LRRFIP2: variants seen among roughly 807,000 people sequenced by gnomAD.
The protein encoded by LRRFIP2 is leucine-rich repeat flightless-interacting protein 2.
Under a neutral mutation model 125.9 loss-of-function variants are expected in LRRFIP2, and 109 were observed. The ratio of observed to expected loss-of-function variants is 0.87; its 90% CI spans 0.74 to 1.01. The LOEUF is 1.01. Among genes scored for constraint, LRRFIP2 ranks in the 50% least tolerant of loss-of-function variants. The pLI is 0.00. For synonymous variants in LRRFIP2, 291 were observed against 293.1 expected (o/e 0.99, Z 0.07); for missense variants, 850 against 862.3 (o/e 0.99, Z 0.18).
intron 7 of LRRFIP2, among the ~76,000 whole-genome samples, chr3:37,113,529 TG>T (rs2094636072): frequency 6.6e-6 from 1 of 152,074 alleles, no homozygotes; most frequent in Admixed American, 6.6e-5. Context: ...CTTGAACTCT[TG>T]GCCTCAAGTG....
At chr3:37,146,483 A>C (rs2095858478) in intron 2 of LRRFIP2, among the ~76,000 whole-genome samples, 1 of 152,090 alleles carries the variant, frequency 6.6e-6, no homozygotes, top group Admixed American at 6.5e-5. Context: ...CCCTCTCCAC[A>C]GGCCCCAGTG....
intron 9 of LRRFIP2, among the ~76,000 whole-genome samples, 165 bp downstream of exon 9, chr3:37,110,826 G>A (rs1010723877): frequency 1.3e-5 from 2 of 152,034 alleles, no homozygotes; most frequent in South Asian, 2.1e-4. Flanking sequence ...AATAGTTCCC[G>A]TTGTTTAAAG....
rs541037863 is a variant in LRRFIP2, at chr3:37,052,954, A to G, written c.*897T>C. ...ACAAAAGAAGAGGGATGTGGTTGCCATGATTTGTTTTAAAGTCTCCTATAA... is the reference window on the plus strand; with the variant it reads ...ACAAAAGAAGAGGGATGTGGTTGCCGTGATTTGTTTTAAAGTCTCCTATAA... On this transcript the variant is annotated 3_prime_UTR_variant, in exon 28 of 28. Coordinates refer to ENST00000336686, the MANE Select transcript of LRRFIP2 (RefSeq NM_006309.4). The G allele has an allele frequency of 4.5e-4, 68 of 152,500 alleles. No individual in the cohort carries two copies. Among genetic ancestry groups the G allele is most frequent in the Non-Finnish European group, 1.8e-4 (12 of 68,030 alleles). 9.4% of individuals were successfully genotyped at this position (152,500 alleles called of 1,614,324 possible). A position where few individuals can be genotyped will look rare whatever the true frequency, so the allele number is the denominator to read the frequency against.
chr3:37,080,475 C>T (rs1003000437), intron 19 of LRRFIP2, among the ~76,000 whole-genome samples: 3 of 151,646 alleles, frequency 2.0e-5, no homozygotes, highest in African/African-American at 7.3e-5. Flanking sequence ...AAAATCAGAA[C>T]ATCCCATTTT....
chr3:37,072,902 G>A lies in LRRFIP2; in HGVS notation c.1372-20C>T. 2 of 1,522,950 alleles carry A rather than the reference G, an allele frequency of 1.3e-6. No homozygotes were observed. The highest frequency in any genetic ancestry group is 1.2e-5 in the South Asian group (1 of 86,768). 94.3% of individuals were successfully genotyped at this position (1,522,950 alleles called of 1,614,324 possible). ...CTTCTCCTGCAGAGGAAGAGGGGAA[G>A]AGAAGTAATAAAAGAGCAGAAAGAA... On this transcript the variant is annotated intron_variant, in intron 20 of 27. Transcript: ENST00000336686.
intron 1 of LRRFIP2, among the ~76,000 whole-genome samples, chr3:37,169,634 CT>C (rs1158557915): frequency 1.3e-5 from 2 of 152,158 alleles, no homozygotes; most frequent in East Asian, 3.8e-4. Context: ...CAAAAGATTT[CT>C]TCTAGCTGTT....
intron 2 of LRRFIP2, among the ~76,000 whole-genome samples, chr3:37,146,466 C>A (rs908497358): frequency 1.3e-5 from 2 of 152,122 alleles, no homozygotes; most frequent in African/African-American, 4.8e-5. Flanking sequence ...CCTCACCCCA[C>A]TGTGCTCCCT....
intron 18 of LRRFIP2, among the ~76,000 whole-genome samples, chr3:37,084,266 T>C (rs1308723107): frequency 6.6e-6 from 1 of 152,218 alleles, no homozygotes; most frequent in African/African-American, 2.4e-5. Flanking sequence ...TTTTTAGTAC[T>C]TTCCTGTTCT....
chr3:37,136,576 C>A (rs1266673737), intron 2 of LRRFIP2, among the ~76,000 whole-genome samples: 2 of 151,920 alleles, frequency 1.3e-5, no homozygotes, highest in African/African-American at 2.4e-5. Flanking sequence ...GAGCTTATAA[C>A]CTATTAATAA....
Position 37,109,585 on chromosome 3 carries a change from G to T in LRRFIP2, c.565-14C>A. The stretch of plus-strand genomic sequence containing the variant: ...AGTAGGAGAGGCCTAAGAAAAAAGT[G>T]TATTATTAAACCCCAAAAAAAGCAA... On this transcript the variant is annotated splice_polypyrimidine_tract_variant and intron_variant, in intron 10 of 27. Transcript: ENST00000336686. 1 of 1,613,792 alleles carries T rather than the reference G, an allele frequency of 6.2e-7. No individual in the cohort carries two copies. The highest frequency in any genetic ancestry group is 8.5e-7 in the Non-Finnish European group (1 of 1,179,846).
chr3:37,125,649 A>G (rs990692204), intron 4 of LRRFIP2, among the ~76,000 whole-genome samples: 2 of 152,156 alleles, frequency 1.3e-5, no homozygotes, highest in Admixed American at 1.3e-4. Context: ...TCAAAGTTGG[A>G]CTCATTTCTG....
intron 1 of LRRFIP2, among the ~76,000 whole-genome samples, chr3:37,173,305 T>C (rs1218364136): frequency 6.6e-6 from 1 of 152,120 alleles, no homozygotes; most frequent in Non-Finnish European, 1.5e-5. Flanking sequence ...AGAACTCATG[T>C]GGTCTTCCCA....
At position 37,075,094 on chromosome 3, in the gene LRRFIP2, A is replaced by G. The variant is rs768342362; in HGVS notation, c.1301T>C (p.Met434Thr). 3.7e-6 allele frequency: 6 copies of G among 1,611,650 alleles called. No individual in the cohort carries two copies. Among genetic ancestry groups the G allele is most frequent in the East Asian group, 2.2e-5 (1 of 44,834 alleles). ...KSKELERQKH[M>T]CSVLQHKMEE... Reference sequence around the variant, plus strand: ...CATCTTATGCTGCAGCACACTACACATATGTTTCTGCCTTTCTAACTCCTG... The same window carrying G: ...CATCTTATGCTGCAGCACACTACACGTATGTTTCTGCCTTTCTAACTCCTG... Residue 434 changes from methionine to threonine, a missense_variant, in exon 20 of 28, where the codon ATG becomes ACG. By Grantham distance (81) the Met-to-Thr change is moderately conservative. Coordinates refer to ENST00000336686, the MANE Select transcript of LRRFIP2 (RefSeq NM_006309.4).
At chr3:37,169,847 AGG>A (rs1457999747) in intron 1 of LRRFIP2, among the ~76,000 whole-genome samples, 4 of 151,866 alleles carry the variant, frequency 2.6e-5, no homozygotes, top group Non-Finnish European at 4.4e-5. Flanking sequence ...TCTTTAATGA[AGG>A]TGTTTATATT....
chr3:37,055,410 A>G (rs1209099100), intron 25 of LRRFIP2, among the ~76,000 whole-genome samples: 2 of 152,144 alleles, frequency 1.3e-5, no homozygotes, highest in Non-Finnish European at 2.9e-5. Flanking sequence ...TACTAAAAAT[A>G]TAAAAATTAG....
At chr3:37,102,746 C>A (rs1202247790) in intron 15 of LRRFIP2, among the ~76,000 whole-genome samples, 178 bp downstream of exon 15, 1 of 152,070 alleles carries the variant, frequency 6.6e-6, no homozygotes, top group Admixed American at 6.6e-5. Context: ...AGGTGATCTG[C>A]CTGTTCTGGT....
At chr3:37,111,293 C>T (rs951082038) in intron 8 of LRRFIP2, among the ~76,000 whole-genome samples, 3 of 152,082 alleles carry the variant, frequency 2.0e-5, no homozygotes, top group Admixed American at 2.0e-4. Context: ...AGACAATAAA[C>T]CCTCAGAGAA....
chr3:37,169,715 AT>A (rs747103990), intron 1 of LRRFIP2, among the ~76,000 whole-genome samples: 6 of 152,234 alleles, frequency 3.9e-5, no homozygotes, highest in Non-Finnish European at 7.3e-5. Context: ...TAAAAATTAA[AT>A]TTGCTTCCCT....
chr3:37,075,065 C>G lies in LRRFIP2; in HGVS notation c.1330G>C (p.Glu444Gln). Residue 444 changes from glutamate (E) to glutamine (Q), a missense_variant, in exon 20 of 28, where the codon GAA becomes CAA. Transcript: ENST00000336686. The stretch of plus-strand genomic sequence containing the variant: ...CTTTGCCGCAGGCCTTCTTTAAGTT[C>G]TTCCATCTTATGCTGCAGCACACTA... ...MCSVLQHKME[E>Q]LKEGLRQRDE... 6.2e-7 allele frequency: 1 copy of G among 1,612,892 alleles called. No individual in the cohort carries two copies. The highest frequency in any genetic ancestry group is 8.5e-7 in the Non-Finnish European group (1 of 1,179,798).
Sources: allele counts gnomAD v4.1 joint callset (sites outside exome capture counted in the v4.1 genomes callset), GRCh38; gene constraint gnomAD v4.1.1; transcripts MANE v1.5; gene names NCBI Gene and HGNC (gene_info 2026-07-23, HGNC 2026-07-21).